ACACA: variants seen among roughly 807,000 people sequenced by gnomAD.
ACACA encodes acetyl-CoA carboxylase 1.
A neutral mutation model predicts 296.1 loss-of-function variants in ACACA; 103 were observed. That is an observed-to-expected ratio of 0.35 (90% CI 0.30 to 0.41). The LOEUF (loss-of-function observed/expected upper bound fraction) is 0.41. Ranked by LOEUF, ACACA falls within the 10% of genes least tolerant of loss-of-function variation. The pLI is 1.00. For synonymous variants in ACACA, 953 were observed against 1,038.6 expected (o/e 0.92, Z 1.58); for missense variants, 1,554 against 2,989.7 (o/e 0.52, Z 11.20).
At chr17:37,356,562 T>C (rs545532884) in intron 1 of ACACA, among the ~76,000 whole-genome samples, 17 of 152,170 alleles carry the variant, frequency 1.1e-4, no homozygotes, top group African/African-American at 4.1e-4. Context: ...GTATTTTTAG[T>C]AGAGACGGGG....
chr17:37,184,168 C>A (rs1221391518), intron 39 of ACACA, among the ~76,000 whole-genome samples: 2 of 152,032 alleles, frequency 1.3e-5, no homozygotes, highest in Admixed American at 6.5e-5. Flanking sequence ...TTTTAATATC[C>A]ATAATTTGAA....
intron 50 of ACACA, among the ~76,000 whole-genome samples, chr17:37,114,094 G>A (rs559037833): frequency 6.6e-6 from 1 of 152,192 alleles, no homozygotes; most frequent in African/African-American, 2.4e-5. Context: ...GAGGTGGGAG[G>A]ATCACTTGAG....
intron 3 of ACACA, among the ~76,000 whole-genome samples, chr17:37,307,713 A>G (rs2083947361): frequency 6.6e-6 from 1 of 152,008 alleles, no homozygotes; most frequent in South Asian, 2.1e-4. Flanking sequence ...CAGCCTCCCA[A>G]GCAGCTGATA....
chr17:37,116,867 A>G (rs931045824), intron 50 of ACACA, among the ~76,000 whole-genome samples: 5 of 152,348 alleles, frequency 3.3e-5, no homozygotes, highest in Admixed American at 2.0e-4. Context: ...GGTTTAGGTT[A>G]GAAATCAGTC....
At chr17:37,329,468 G>A (rs538571344) in intron 3 of ACACA, among the ~76,000 whole-genome samples, 20 of 149,704 alleles carry the variant, frequency 1.3e-4, no homozygotes, top group South Asian at 1.1e-3. Context: ...GGCGAAACCC[G>A]GTGTCTATCA....
chr17:37,257,961 G>A, intron 13 of ACACA, 95 bp from the exon 14 acceptor site: 2 of 1,471,240 alleles, frequency 1.4e-6, no homozygotes, highest in Admixed American at 1.7e-5. Flanking sequence ...ATCACACACA[G>A]AAGCAGAGAA....
rs756992857 is a variant in ACACA at position 37,259,384 on chromosome 17, G to A, written c.1476C>T (p.Val492=). The A allele has an allele frequency of 6.2e-7, 1 of 1,614,140 alleles. No individual in the cohort carries two copies. The highest frequency in any genetic ancestry group is 1.3e-5 in the African/African-American group (1 of 75,038). ...EHPCTEMVAD[V]NLPAAQLQIA... Reference sequence around the variant, plus strand: ...CCTGGAGCTGTGCTGCAGGGAGATTGACATCAGCCACCATCTCTGTACAAG... The same window carrying A: ...CCTGGAGCTGTGCTGCAGGGAGATTAACATCAGCCACCATCTCTGTACAAG... The change falls in exon 12 of 56, where the codon GTC becomes GTT. Residue 492 remains valine (V), a synonymous_variant. Transcript: ENST00000616317.
At chr17:37,216,189 CGTGTGT>C (rs1204339625) in intron 29 of ACACA, among the ~76,000 whole-genome samples, 6 of 141,316 alleles carry the variant, frequency 4.2e-5, no homozygotes, top group Non-Finnish European at 9.0e-5. Flanking sequence ...CATACACACA[CGTGTGT>C]GTGTGTGTGT....
intron 19 of ACACA, 66 bp downstream of exon 19, chr17:37,246,760 C>T: frequency 6.3e-7 from 1 of 1,591,452 alleles, no homozygotes; most frequent in Non-Finnish European, 8.6e-7. Context: ...CAGTCCTAGT[C>T]CATCCCAGCC....
chr17:37,288,448 C>T (rs1567946614), intron 3 of ACACA, among the ~76,000 whole-genome samples: 8 of 152,148 alleles, frequency 5.3e-5, no homozygotes. Flanking sequence ...ACAAGGATAA[C>T]TAATCTACAG....
chr17:37,184,336 G>A (rs897625731), intron 39 of ACACA, among the ~76,000 whole-genome samples: 20 of 152,144 alleles, frequency 1.3e-4, no homozygotes, highest in African/African-American at 4.6e-4. Context: ...TATCTGAGTT[G>A]GCAGTCACCC....
At chr17:37,350,665 C>T (rs1312276244) in intron 1 of ACACA, among the ~76,000 whole-genome samples, 1 of 152,062 alleles carries the variant, frequency 6.6e-6, no homozygotes, top group Non-Finnish European at 1.5e-5. Flanking sequence ...CATGGAGAAA[C>T]CCTGTCTCTA....
intron 1 of ACACA, among the ~76,000 whole-genome samples, chr17:37,399,453 A>G (rs2051208832): frequency 6.6e-6 from 1 of 152,190 alleles, no homozygotes; most frequent in African/African-American, 2.4e-5. Flanking sequence ...TCACCAAATG[A>G]TGCAAAATAA....
intron 43 of ACACA, among the ~76,000 whole-genome samples, chr17:37,153,331 A>C (rs2144199151): frequency 6.6e-6 from 1 of 152,340 alleles, no homozygotes; most frequent in East Asian, 1.9e-4. Flanking sequence ...GGGCACCATG[A>C]TGAACTCCCA....
At chr17:37,382,357 G>GT (rs569313234) in intron 1 of ACACA, among the ~76,000 whole-genome samples, 400 of 145,370 alleles carry the variant, frequency 2.8e-3, no homozygotes, top group African/African-American at 4.4e-3. Flanking sequence ...TTTTCATATA[G>GT]TTTTTTTTTT....
At chr17:37,100,891 G>A (rs2073321848) in intron 52 of ACACA, among the ~76,000 whole-genome samples, 1 of 152,154 alleles carries the variant, frequency 6.6e-6, no homozygotes, top group African/African-American at 2.4e-5. Context: ...GAGGCCAGGA[G>A]TTTGAGACCA....
rs1386032855 is a variant in ACACA at position 37,390,330 on chromosome 17, A to ATATATATATATCTATATATC, written c.38+15931_38+15932insGATATATAGATATATATATA. 8.2e-4 allele frequency among the ~76,000 whole-genome samples: 34 copies of ATATATATATATCTATATATC among 41,576 alleles called. 3 individuals carry two copies. In the East Asian group the frequency reaches 0.013, roughly 16 times the overall value. 27.3% of individuals were successfully genotyped at this position (41,576 alleles called of 152,430 possible). Reference sequence around the variant, plus strand: ...TATATATATATATATATATATATATATATAAAAGGCCAGCTGGGCCGGGCA... The same window carrying ATATATATATATCTATATATC: ...TATATATATATATATATATATATATATATATATATATCTATATATCTATAAAAGGCCAGCTGGGCCGGGCA... On this transcript the variant is annotated intron_variant, in intron 1 of 55. Transcript: ENST00000616317.
Position 37,217,603 on chromosome 17 carries a change from C to T in ACACA, c.3683+4121G>A, listed in dbSNP as rs560374707. On this transcript the variant is annotated intron_variant, in intron 29 of 55. Coordinates refer to ENST00000616317, the MANE Select transcript of ACACA (RefSeq NM_198834.3). ...ACAAAAAATTAGCCGGGCATCATGG[C>T]AGGCACCTGTAGTCCCAGCTACTCG... Among the ~76,000 whole-genome samples, 272 of 150,834 alleles carry T rather than the reference C, an allele frequency of 1.8e-3. 4 individuals carry two copies. Among genetic ancestry groups the T allele is most frequent in the Non-Finnish European group, 5.2e-4 (35 of 67,574 alleles).
chr17:37,299,355 A>G (rs759452422), intron 3 of ACACA: 2 of 1,614,012 alleles, frequency 1.2e-6, no homozygotes, highest in South Asian at 1.1e-5. Flanking sequence ...AAAGAATGGA[A>G]GCTTTTTCTT....
Sources: allele counts gnomAD v4.1 joint callset (sites outside exome capture counted in the v4.1 genomes callset), GRCh38; gene constraint gnomAD v4.1.1; transcripts MANE v1.5; gene names NCBI Gene and HGNC (gene_info 2026-07-23, HGNC 2026-07-21).